NRG1: variants seen among roughly 807,000 people sequenced by gnomAD.
The protein encoded by NRG1 is neuregulin 1, also known as pro-neuregulin-1, membrane-bound isoform.
NRG1 carries 18 observed loss-of-function variants against 63.8 expected under a neutral mutation model. That is an observed-to-expected ratio of 0.28 (90% CI 0.19 to 0.42). The LOEUF (loss-of-function observed/expected upper bound fraction) is 0.42. Ranked by LOEUF, NRG1 falls within the 10% of genes least tolerant of loss-of-function variation. The pLI is 1.00. For synonymous variants in NRG1, 302 were observed against 301.3 expected, an observed-to-expected ratio of 1.00 and a Z score of -0.02; for missense variants, 762 against 814.7, an observed-to-expected ratio of 0.94 and a Z score of 0.79.
intron 1 of NRG1, among the ~76,000 whole-genome samples, chr8:32,122,295 G>C (rs1226689533): frequency 6.6e-6 from 1 of 152,010 alleles, no homozygotes; most frequent in Non-Finnish European, 1.5e-5. Context: ...GGGTGGGACA[G>C]CTCCCAAAAG....
intron 1 of NRG1, among the ~76,000 whole-genome samples, chr8:32,126,446 C>A (rs1229818702): frequency 6.6e-6 from 1 of 151,860 alleles, no homozygotes; most frequent in Non-Finnish European, 1.5e-5. Context: ...AGGTTAATGT[C>A]TCTCCTCACC....
At chr8:31,672,731 A>T (rs1807279648) in intron 1 of NRG1, among the ~76,000 whole-genome samples, 1 of 152,158 alleles carries the variant, frequency 6.6e-6, no homozygotes. Flanking sequence ...AACTGAGCAT[A>T]CCAACAAGGA....
chr8:32,106,121 C>G (rs1831226968), intron 1 of NRG1, among the ~76,000 whole-genome samples: 1 of 152,148 alleles, frequency 6.6e-6, no homozygotes, highest in Non-Finnish European at 1.5e-5. Flanking sequence ...CAGATGACTG[C>G]TTTAGACATA....
chr8:32,164,246 A>G (rs1472842711), intron 1 of NRG1, among the ~76,000 whole-genome samples: 8 of 57,790 alleles, frequency 1.4e-4, no homozygotes, highest in Middle Eastern at 0.011. Flanking sequence ...TCCATCTGAA[A>G]GAAAAAAAAA....
intron 1 of NRG1, among the ~76,000 whole-genome samples, chr8:31,773,820 TGA>T (rs1818861658): frequency 6.6e-6 from 1 of 152,204 alleles, no homozygotes; most frequent in African/African-American, 2.4e-5. Context: ...TTACCTTCTC[TGA>T]GTTTTTTATG....
At chr8:32,645,275 G>A (rs1398208577) in intron 5 of NRG1, among the ~76,000 whole-genome samples, 1 of 152,130 alleles carries the variant, frequency 6.6e-6, no homozygotes, top group Admixed American at 6.5e-5. Flanking sequence ...TCACTGCTTT[G>A]AAGTCAAATA....
intron 1 of NRG1, among the ~76,000 whole-genome samples, chr8:32,264,804 A>G (rs1349157725): frequency 6.6e-6 from 1 of 152,112 alleles, no homozygotes; most frequent in East Asian, 1.9e-4. Context: ...CAATACTGTG[A>G]GGCCACAGGA....
intron 1 of NRG1, among the ~76,000 whole-genome samples, chr8:32,342,577 G>T (rs1804209569): frequency 6.6e-6 from 1 of 152,132 alleles, no homozygotes; most frequent in African/African-American, 2.4e-5. Context: ...GATTCTTAAT[G>T]CCAATGCTGT....
intron 1 of NRG1, among the ~76,000 whole-genome samples, chr8:31,809,347 T>TATACAC (rs1554539421): frequency 2.1e-5 from 3 of 144,574 alleles, no homozygotes; most frequent in Admixed American, 6.9e-5. Flanking sequence ...TATATATATA[T>TATACAC]ACACACACAC....
intron 1 of NRG1, among the ~76,000 whole-genome samples, chr8:31,680,499 C>T (rs915113372): frequency 1.6e-4 from 25 of 151,778 alleles, no homozygotes; most frequent in Non-Finnish European, 2.9e-4. Flanking sequence ...CATAGTATTC[C>T]ATGGTGTATA....
chr8:32,473,258 A>G (rs1487822082), intron 1 of NRG1, among the ~76,000 whole-genome samples: 4 of 152,228 alleles, frequency 2.6e-5, no homozygotes, highest in African/African-American at 9.6e-5. Flanking sequence ...TTATGCATAC[A>G]CAATACTTAT....
intron 1 of NRG1, among the ~76,000 whole-genome samples, chr8:31,717,471 G>A (rs963016239): frequency 6.6e-6 from 1 of 151,464 alleles, no homozygotes; most frequent in Non-Finnish European, 1.5e-5. Context: ...GGGCCTGGGT[G>A]AGAAGAGAAA....
intron 1 of NRG1, among the ~76,000 whole-genome samples, chr8:32,149,673 G>T (rs1264904758): frequency 6.6e-6 from 1 of 152,148 alleles, no homozygotes; most frequent in Admixed American, 6.5e-5. Flanking sequence ...TGATTTTAAA[G>T]AAAAAGGCGG....
At chr8:31,876,641 G>A (rs1051042749) in intron 1 of NRG1, among the ~76,000 whole-genome samples, 3 of 152,120 alleles carry the variant, frequency 2.0e-5, no homozygotes, top group African/African-American at 7.2e-5. Context: ...TATTCAAGCA[G>A]TAGAAATTTT....
intron 1 of NRG1, among the ~76,000 whole-genome samples, chr8:31,682,899 G>T (rs1244109484): frequency 6.6e-6 from 1 of 152,132 alleles, no homozygotes; most frequent in African/African-American, 2.4e-5. Flanking sequence ...TGGTGATAAT[G>T]CTTATCTCAG....
At chr8:32,200,933 G>C (rs1438789785) in intron 1 of NRG1, among the ~76,000 whole-genome samples, 1 of 151,982 alleles carries the variant, frequency 6.6e-6, no homozygotes, top group African/African-American at 2.4e-5. Flanking sequence ...AACAGAGAGG[G>C]ACCAGGTAGT....
intron 1 of NRG1, among the ~76,000 whole-genome samples, chr8:31,652,355 T>C (rs1477593369): frequency 6.6e-6 from 1 of 152,226 alleles, no homozygotes; most frequent in Non-Finnish European, 1.5e-5. Context: ...CTCACATCCA[T>C]TTTCTATACT....
chr8:31,864,281 G>T (rs184715202), intron 1 of NRG1, among the ~76,000 whole-genome samples: 1 of 152,242 alleles, frequency 6.6e-6, no homozygotes, highest in Non-Finnish European at 1.5e-5. Context: ...CAAAAGACAT[G>T]GTCCTTCCCT....
intron 1 of NRG1, among the ~76,000 whole-genome samples, chr8:31,797,405 C>A (rs2083741826): frequency 6.6e-6 from 1 of 152,074 alleles, no homozygotes; most frequent in Non-Finnish European, 1.5e-5. Flanking sequence ...TCAATAAAGA[C>A]CCAGCAATAC....
Sources: allele counts gnomAD v4.1 joint callset (sites outside exome capture counted in the v4.1 genomes callset), GRCh38; gene constraint gnomAD v4.1.1; transcripts MANE v1.5; gene names NCBI Gene and HGNC (gene_info 2026-07-23, HGNC 2026-07-21).